Variants in NEU4 observed in about 807,000 individuals in gnomAD.
NEU4 encodes the protein sialidase-4.
Under a neutral mutation model 9.9 loss-of-function variants are expected in NEU4, and 7 were observed. The observed-to-expected ratio is 0.71, with a 90% CI of 0.40 to 1.33. The LOEUF is 1.33. Ranked by LOEUF, NEU4 falls within the 40% of genes most tolerant of loss-of-function variation. The pLI is 0.01. For synonymous variants in NEU4, 348 were observed against 316.9 expected (o/e 1.10, Z -1.04); for missense variants, 717 against 712.6 (o/e 1.01, Z -0.07).
At position 241,815,118 on chromosome 2, in the gene NEU4, C is replaced by A; in HGVS notation, c.428C>A (p.Thr143Asn). 1 of 1,572,578 alleles carries A rather than the reference C, an allele frequency of 6.4e-7. No individual in the cohort carries two copies. The highest frequency in any genetic ancestry group is 8.6e-7 in the Non-Finnish European group (1 of 1,163,114). The change falls in exon 3 of 4, where the codon ACC becomes AAC. Residue 143 changes from threonine (T) to asparagine (N), a missense_variant. Transcript: ENST00000407683. ...TCGTGGGGCAGCGCCCGGGACCTCA[C>A]CGAGGAGGCCATCGGTGGTGCCGTG... is the stretch of plus-strand genomic sequence containing the variant. ...GLSWGSARDLTEEAIGGAVQD... is the reference protein window; with the variant it reads ...GLSWGSARDLNEEAIGGAVQD...
At chr2:241,814,762 G>A (rs1575381748) in intron 2 of NEU4, 77 bp downstream of exon 2, 1 of 1,505,156 alleles carries the variant, frequency 6.6e-7, no homozygotes, top group Non-Finnish European at 8.9e-7. Context: ...GATGGGGCGG[G>A]GGTGGCGGCG....
chr2:241,815,109 G>T lies in NEU4; in HGVS notation c.419G>T (p.Arg140Leu). ...RDAGLSWGSA[R>L]DLTEEAIGGA... is the part of the protein sequence containing the mutation. ...GCCGGCCTCTCGTGGGGCAGCGCCCGGGACCTCACCGAGGAGGCCATCGGT... is the reference window on the plus strand; with the variant it reads ...GCCGGCCTCTCGTGGGGCAGCGCCCTGGACCTCACCGAGGAGGCCATCGGT... Residue 140 changes from arginine (R) to leucine (L), a missense_variant, in exon 3 of 4, where the codon CGG (arginine) becomes CTG (leucine). Arg to Leu is a moderately radical substitution (Grantham distance 102, BLOSUM62 -2). Coordinates refer to ENST00000407683, the MANE Select transcript of NEU4 (RefSeq NM_001167600.3). 1.3e-6 allele frequency: 2 copies of T among 1,576,012 alleles called. No homozygotes were observed. The highest frequency in any genetic ancestry group is 1.7e-6 in the Non-Finnish European group (2 of 1,166,140).
chr2:241,813,022 T>C (rs1388748490), intron 1 of NEU4, among the ~76,000 whole-genome samples: 2 of 152,170 alleles, frequency 1.3e-5, no homozygotes, highest in Non-Finnish European at 2.9e-5. Flanking sequence ...CGGAAGCTGC[T>C]CTCAGAAGCC....
chr2:241,810,467 C>G (rs534139585), intron 1 of NEU4: 2 of 152,446 alleles, frequency 1.3e-5, no homozygotes, highest in East Asian at 3.9e-4. Context: ...CGTGACCTAC[C>G]TGTTTCCCAC....
Position 241,816,637 on chromosome 2 carries a change from C to G in NEU4, c.1044C>G (p.Gly348=). ...GGGGGGATGGCCCCAGGCAGCCTGG[C>G]CCCAGGCCTGGGGTCAGTGGGGATG... ...QPRGDGPRQP[G]PRPGVSGDVG... is the part of the protein sequence containing the mutation. The change falls in exon 4 of 4, where the codon GGC becomes GGG. Residue 348 remains glycine, a synonymous_variant. Transcript: ENST00000407683. 1.3e-6 allele frequency: 2 copies of G among 1,551,154 alleles called. No homozygotes were observed. Among genetic ancestry groups the G allele is most frequent in the Non-Finnish European group, 1.7e-6 (2 of 1,152,746 alleles).
intron 1 of NEU4, chr2:241,811,508 G>C (rs148195275): frequency 2.1e-6 from 3 of 1,446,310 alleles, no homozygotes; most frequent in South Asian, 1.5e-5. Flanking sequence ...CCCTCTACCC[G>C]GGCGCCCGGG....
At chr2:241,814,246 G>T in intron 1 of NEU4, 1 of 633,156 alleles carries the variant, frequency 1.6e-6, no homozygotes. Flanking sequence ...GGAAGGGGCT[G>T]ATTCCACAGA....
intron 1 of NEU4, 66 bp downstream of exon 1, chr2:241,809,340 TAG>T (rs562011212): frequency 1.6e-4 from 155 of 965,292 alleles, no homozygotes; most frequent in Non-Finnish European, 2.1e-4. Flanking sequence ...TAGTTTGCAG[TAG>T]AGAGTGTTGA....
Position 241,816,989 on chromosome 2 carries a change from G to T in NEU4, c.1396G>T (p.Ala466Ser). The change falls in exon 4 of 4, where the codon GCC becomes TCC. Residue 466 changes from alanine to serine, a missense_variant. Physicochemically the swap from Ala to Ser is moderately conservative, Grantham distance 99. Coordinates refer to ENST00000407683, the MANE Select transcript of NEU4 (RefSeq NM_001167600.3). ...GCGTGAGGTCCTGGAGAACGTGCCC[G>T]CCAGCCCCAAACCGCCCAACCTTGG... ...SLREVLENVP[A>S]SPKPPNLGDK... The T allele has an allele frequency of 6.2e-7, 1 of 1,610,012 alleles. No individual in the cohort carries two copies. Among genetic ancestry groups the T allele is most frequent in the Non-Finnish European group, 8.5e-7 (1 of 1,178,754 alleles).
intron 1 of NEU4, chr2:241,811,145 G>A: frequency 1.6e-6 from 2 of 1,220,854 alleles, no homozygotes; most frequent in Admixed American, 4.3e-5. Context: ...TCACAGCTGG[G>A]CCTGTCCCAG....
chr2:241,817,096 G>C lies in NEU4; in HGVS notation c.*48G>C. On this transcript the variant is annotated 3_prime_UTR_variant, in exon 4 of 4. Coordinates refer to ENST00000407683, the MANE Select transcript of NEU4 (RefSeq NM_001167600.3). ...GCCCCTTGGGTGCCTGGGGCAGAGG[G>C]GTGGAATACGTTGGGGTGCCCCACG... 1 of 1,485,948 alleles carries C rather than the reference G, an allele frequency of 6.7e-7. No individual in the cohort carries two copies. Among genetic ancestry groups the C allele is most frequent in the Non-Finnish European group, 8.9e-7 (1 of 1,121,836 alleles). The allele number at this position is 1,485,948 out of a possible 1,614,324, so 92.0% of individuals were successfully genotyped here. A position where few individuals can be genotyped will look rare whatever the true frequency, so the allele number is the denominator to read the frequency against.
At chr2:241,810,538 T>C (rs1700079972) in intron 1 of NEU4, 1 of 152,042 alleles carries the variant, frequency 6.6e-6, no homozygotes, top group African/African-American at 2.4e-5. Flanking sequence ...GGAGGGACAG[T>C]GAGAAAGGAG....
intron 1 of NEU4, chr2:241,814,145 C>A (rs1211956962): frequency 9.6e-6 from 6 of 626,322 alleles, no homozygotes; most frequent in African/African-American, 1.8e-5. Context: ...ACATGGCTGG[C>A]AGGGTCCCGG....
At chr2:241,812,994 C>A (rs1300009800) in intron 1 of NEU4, among the ~76,000 whole-genome samples, 3 of 152,216 alleles carry the variant, frequency 2.0e-5, no homozygotes, top group Admixed American at 6.5e-5. Flanking sequence ...GAGAGCAGAG[C>A]CAGGGGCTTC....
chr2:241,814,369 T>G (rs1023661224), intron 1 of NEU4, 113 bp from the exon 2 acceptor site: 42 of 980,218 alleles, frequency 4.3e-5, no homozygotes, highest in Non-Finnish European at 5.4e-5. Flanking sequence ...GAGGCCCAGG[T>G]GTGGGCAGGA....
Position 241,816,397 on chromosome 2 carries a change from C to T in NEU4, c.804C>T (p.Ser268=). 6.2e-7 allele frequency: 1 copy of T among 1,602,140 alleles called. No individual in the cohort carries two copies. The highest frequency in any genetic ancestry group is 8.5e-7 in the Non-Finnish European group (1 of 1,177,002). ...TCCTGCCCGCAGAGCGCGTGGCTTC[C>T]CTGCCCGAGACTGCCTGGGGCTGCC... ...TSFLPAERVA[S]LPETAWGCQG... Residue 268 remains serine (S), a synonymous_variant, in exon 4 of 4, where the codon TCC becomes TCT. Transcript: ENST00000407683.
At position 241,816,274 on chromosome 2, in the gene NEU4, G is replaced by A. The variant is rs142119752; in HGVS notation, c.681G>A (p.Ala227=). 91 of 1,586,466 alleles carry A rather than the reference G, an allele frequency of 5.7e-5. No homozygotes were observed. In the African/African-American group the frequency reaches 7.8e-4, roughly 14 times the overall value. The change falls in exon 4 of 4, where the codon GCG becomes GCA. Residue 227 remains alanine, a synonymous_variant. Transcript: ENST00000407683. ...GCTCAGGCGAGTGCCAGCTGGCAGC[G>A]GTGGACGGTGGGCAGGCCGGCAGCT... The part of the protein sequence containing the change: ...NLRSGECQLA[A]VDGGQAGSFL...
rs1185657146 is a variant in NEU4 at position 241,814,504 on chromosome 2, C to T, written c.20C>T (p.Pro7Leu). 6.2e-7 allele frequency: 1 copy of T among 1,611,236 alleles called. No individual in the cohort carries two copies. The highest frequency in any genetic ancestry group is 1.1e-5 in the South Asian group (1 of 90,940). MGVPRT[P>L]SRTVLFERER... ...CAGAGCATGGGGGTCCCTCGTACCC[C>T]TTCACGGACAGTGCTCTTCGAGCGG... is the stretch of plus-strand genomic sequence containing the variant. Residue 7 changes from proline (P) to leucine (L), a missense_variant, in exon 2 of 4, where the codon CCT (proline) becomes CTT (leucine). Physicochemically the swap from Pro to Leu is moderately conservative, Grantham distance 98. Transcript: ENST00000407683.
At chr2:241,812,519 A>C (rs938816583) in intron 1 of NEU4, among the ~76,000 whole-genome samples, 2,246 of 62,726 alleles carry the variant, frequency 0.036, 89 homozygotes, top group African/African-American at 0.093. Flanking sequence ...AACCCAGGGA[A>C]CTGGTCACAC....
Sources: allele counts gnomAD v4.1 joint callset (sites outside exome capture counted in the v4.1 genomes callset), GRCh38; gene constraint gnomAD v4.1.1; transcripts MANE v1.5; gene names NCBI Gene and HGNC (gene_info 2026-07-23, HGNC 2026-07-21).